The following ZDHHC14 variants were observed in gnomAD, a reference collection of about 807,000 sequenced individuals.
ZDHHC14 encodes the protein palmitoyltransferase ZDHHC14.
In ZDHHC14, 16 loss-of-function variants were observed where a neutral mutation model predicts 47.7. The observed-to-expected ratio is 0.34, with a 90% confidence interval of 0.23 to 0.51. The LOEUF (loss-of-function observed/expected upper bound fraction) is 0.51, where lower values mean the gene tolerates loss of function less well. Among genes scored for constraint, ZDHHC14 ranks in the 20% least tolerant of loss-of-function variants. The pLI is 0.97. For synonymous variants in ZDHHC14, 293 were observed against 278.9 expected (o/e 1.05, Z -0.50); for missense variants, 515 against 662.5 (o/e 0.78, Z 2.44).
At chr6:157,414,454 A>C (rs1356667381) in intron 1 of ZDHHC14, among the ~76,000 whole-genome samples, 1 of 152,214 alleles carries the variant, frequency 6.6e-6, no homozygotes, top group African/African-American at 2.4e-5. Flanking sequence ...AAATAAGGCC[A>C]AAATGAGCAT....
intron 2 of ZDHHC14, among the ~76,000 whole-genome samples, chr6:157,578,948 T>C (rs1347125067): frequency 6.6e-6 from 1 of 152,230 alleles, no homozygotes; most frequent in Non-Finnish European, 1.5e-5. Context: ...TTTATACCAG[T>C]ACCATGTTGT....
chr6:157,560,817 G>A (rs1251414858), intron 2 of ZDHHC14, among the ~76,000 whole-genome samples: 2 of 152,120 alleles, frequency 1.3e-5, no homozygotes, highest in Non-Finnish European at 2.9e-5. Flanking sequence ...GGGATCCCAC[G>A]GCCTTGCCTG....
chr6:157,407,966 T>TA (rs1272514163), intron 1 of ZDHHC14, among the ~76,000 whole-genome samples: 1 of 152,214 alleles, frequency 6.6e-6, no homozygotes, highest in Non-Finnish European at 1.5e-5. Context: ...GCCGTGTTGC[T>TA]AGGAAATAAG....
chr6:157,525,654 A>G (rs1392085834), intron 1 of ZDHHC14, among the ~76,000 whole-genome samples: 2 of 152,186 alleles, frequency 1.3e-5, no homozygotes, highest in Admixed American at 6.5e-5. Context: ...GCGAGTGTGA[A>G]AACCAGGAGG....
At chr6:157,481,379 C>T (rs1008715449) in intron 1 of ZDHHC14, among the ~76,000 whole-genome samples, 3 of 152,104 alleles carry the variant, frequency 2.0e-5, no homozygotes, top group Non-Finnish European at 4.4e-5. Flanking sequence ...GAATCATTTC[C>T]GCATGTGATG....
chr6:157,668,663 G>A (rs1212392144), intron 8 of ZDHHC14, among the ~76,000 whole-genome samples: 2 of 152,168 alleles, frequency 1.3e-5, no homozygotes, highest in African/African-American at 2.4e-5. Context: ...TCGTGCCACT[G>A]CACTCCAGCC....
intron 8 of ZDHHC14, 100 bp from the exon 9 acceptor site, chr6:157,672,624 A>AGCCCCCC: frequency 2.2e-5 from 6 of 273,142 alleles, no homozygotes; most frequent in Non-Finnish European, 3.6e-5. Context: ...CTCTTCTCGC[A>AGCCCCCC]CCCCACCCTC....
intron 1 of ZDHHC14, among the ~76,000 whole-genome samples, chr6:157,419,282 G>A (rs764728291): frequency 6.6e-6 from 1 of 152,086 alleles, no homozygotes; most frequent in Non-Finnish European, 1.5e-5. Context: ...TCTTTGTGTT[G>A]TATATTCTAT....
chr6:157,628,225 T>C (rs1040945539), intron 3 of ZDHHC14, 124 bp from the exon 4 acceptor site: 1 of 982,418 alleles, frequency 1.0e-6, no homozygotes, highest in Non-Finnish European at 1.4e-6. Context: ...TTTGGAAATA[T>C]GCAGAATAAT....
chr6:157,492,060 T>A (rs562925151), intron 1 of ZDHHC14, among the ~76,000 whole-genome samples: 1 of 152,282 alleles, frequency 6.6e-6, no homozygotes, highest in South Asian at 2.1e-4. Flanking sequence ...GTTGCCGGTG[T>A]TGGTTGCGGC....
At chr6:157,505,338 T>C (rs1780299868) in intron 1 of ZDHHC14, among the ~76,000 whole-genome samples, 2 of 152,330 alleles carry the variant, frequency 1.3e-5, no homozygotes, top group African/African-American at 2.4e-5. Context: ...TCTATTCATA[T>C]AAAATATTAC....
chr6:157,519,777 C>T (rs925694676), intron 1 of ZDHHC14, among the ~76,000 whole-genome samples: 3 of 152,174 alleles, frequency 2.0e-5, no homozygotes, highest in Admixed American at 6.5e-5. Flanking sequence ...TCATTAAACA[C>T]GCATCTCTTG....
At chr6:157,628,508 G>A (rs577920941) in intron 4 of ZDHHC14, 22 bp downstream of exon 4, 48 of 1,601,966 alleles carry the variant, frequency 3.0e-5, no homozygotes, top group Non-Finnish European at 4.1e-5. Flanking sequence ...GGCGAAATCA[G>A]ATTACGTATG....
intron 1 of ZDHHC14, among the ~76,000 whole-genome samples, chr6:157,447,908 G>T (rs1016731226): frequency 6.6e-6 from 1 of 152,060 alleles, no homozygotes; most frequent in African/African-American, 2.4e-5. Context: ...GTCTCACTCT[G>T]TTGCCCAGGC....
intron 4 of ZDHHC14, chr6:157,630,590 ACACT>A (rs535094373): frequency 8.7e-4 from 131 of 151,144 alleles, no homozygotes; most frequent in Middle Eastern, 6.8e-3. Flanking sequence ...TTACACACTC[ACACT>A]CACGGTAGCC....
In ZDHHC14 at chr6:157,418,237, T is replaced by C. The variant is rs149290654; in HGVS notation, c.245+35971T>C. Among the ~76,000 whole-genome samples the C allele has an allele frequency of 3.0e-3, 464 of 152,266 alleles. 3 individuals carry two copies. The highest frequency in any genetic ancestry group is 0.011 in the African/African-American group (452 of 41,534). ...ACCCATCAGAGGTCAGGGTGGAGTG[T>C]GTGTTAGAGGTCAGTTTTTACACTT... On this transcript the variant is annotated intron_variant, in intron 1 of 8. Transcript: ENST00000359775.
At position 157,506,658 on chromosome 6, in the gene ZDHHC14, A is replaced by T. The variant is rs530898971; in HGVS notation, c.246-35927A>T. Among the ~76,000 whole-genome samples, 7 of 152,342 alleles carry T rather than the reference A, an allele frequency of 4.6e-5. No individual in the cohort carries two copies. In the South Asian group the frequency reaches 1.4e-3, roughly 32 times the overall value. On this transcript the variant is annotated intron_variant, in intron 1 of 8. Coordinates refer to ENST00000359775, the MANE Select transcript of ZDHHC14 (RefSeq NM_024630.3). ...TTCTGCTGTTGTATATTAGGTATAC[A>T]ACTTAGGTGATGTGTGAAAAAGCCC...
Position 157,673,097 on chromosome 6 carries a change from G to T in ZDHHC14, c.1442G>T (p.Gly481Val). ...QDSLHEDSVRGLVKLSSV is the reference protein window; with the variant it reads ...QDSLHEDSVRVLVKLSSV ...TCCCTGCATGAGGACTCTGTGCGCG[G>T]CCTGGTGAAGCTCAGCTCCGTGTGA... Residue 481 changes from glycine to valine, a missense_variant, in exon 9 of 9, where the codon GGC becomes GTC. Around this residue, in one of 4 missense-constraint regions of ZDHHC14, gnomAD observed 221 missense variants for 233.6 expected, o/e 0.95. Transcript: ENST00000359775. This position sits in a 1 kb window ranked among gnomAD's most constrained non-coding sequence, Gnocchi z 5.4. 6.4e-7 allele frequency: 1 copy of T among 1,573,518 alleles called. No individual in the cohort carries two copies. The highest frequency in any genetic ancestry group is 8.6e-7 in the Non-Finnish European group (1 of 1,168,364).
intron 1 of ZDHHC14, among the ~76,000 whole-genome samples, chr6:157,538,239 G>A (rs1001149992): frequency 6.6e-6 from 1 of 152,176 alleles, no homozygotes; most frequent in African/African-American, 2.4e-5. Context: ...GGTCTTAGAG[G>A]TTCCAGCAAA....
Sources: gnomAD v4.1 joint callset for allele counts (sites outside exome capture counted in the v4.1 genomes callset) on GRCh38, gnomAD v4.1.1 for gene constraint, gnomAD v4.1.1 regional missense constraint, Gnocchi (gnomAD v3.1) non-coding constraint, MANE v1.5 for transcripts, NCBI Gene and HGNC (gene_info 2026-07-23, HGNC 2026-07-21) for gene names.